Variants in MRPS6 observed in about 807,000 individuals in gnomAD.
MRPS6 encodes mitochondrial ribosomal protein S6.
MRPS6 carries 6 observed loss-of-function variants against 13.1 expected under a neutral mutation model. The observed-to-expected ratio is 0.46, with a 90% CI of 0.25 to 0.91. MRPS6 has a LOEUF of 0.91. Among genes scored for constraint, MRPS6 ranks in the 40% least tolerant of loss-of-function variants. The pLI is 0.18. For synonymous variants in MRPS6, 61 were observed against 56.5 expected (o/e 1.08, Z -0.36); for missense variants, 164 against 155.6 (o/e 1.05, Z -0.29).
chr21:34,088,835 T>TAAAAC (rs1978531982), intron 1 of MRPS6, among the ~76,000 whole-genome samples: 2 of 152,178 alleles, frequency 1.3e-5, no homozygotes, highest in Non-Finnish European at 2.9e-5. Flanking sequence ...CTAGACACAG[T>TAAAAC]ACCTAGATGG....
At chr21:34,109,856 A>G (rs1979628721) in intron 1 of MRPS6, among the ~76,000 whole-genome samples, 1 of 151,914 alleles carries the variant, frequency 6.6e-6, no homozygotes, top group South Asian at 2.1e-4. Context: ...CACATTGTTT[A>G]CCTTGAATAT....
chr21:34,104,887 T>C (rs1358795751), intron 1 of MRPS6: 1 of 1,000,150 alleles, frequency 1.0e-6, no homozygotes, highest in East Asian at 1.1e-4. Flanking sequence ...TTCTGGAGAT[T>C]TCTTTGGCAG....
chr21:34,125,170 TTC>T (rs1231633384), intron 1 of MRPS6, 169 bp from the exon 2 acceptor site: 10 of 1,013,940 alleles, frequency 9.9e-6, no homozygotes, highest in South Asian at 1.9e-5. Context: ...TTACAATAAA[TTC>T]TCTCTCTCTT....
rs149441562 is a variant in MRPS6, at chr21:34,081,151, G to A, written c.45+7406G>A. ...GAAGAAAAATAACTAGGAGGATTGT[G>A]TATGTGGAGTGTTTTACAAGGATCT... On this transcript the variant is annotated intron_variant, in intron 1 of 2. Transcript: ENST00000399312. 1.6e-3 allele frequency among the ~76,000 whole-genome samples: 238 copies of A among 152,236 alleles called. No individual in the cohort carries two copies. In the East Asian group the frequency reaches 0.021, roughly 13 times the overall value.
intron 1 of MRPS6, among the ~76,000 whole-genome samples, chr21:34,093,722 A>G (rs538484386): frequency 3.9e-5 from 6 of 152,354 alleles, no homozygotes; most frequent in East Asian, 1.9e-4. Flanking sequence ...TGCAATTACA[A>G]TTAACTGAAA....
intron 1 of MRPS6, chr21:34,101,049 G>A: frequency 6.0e-6 from 6 of 1,000,136 alleles, no homozygotes; most frequent in Non-Finnish European, 7.2e-6. Flanking sequence ...CCTAGGTTTG[G>A]ATAGAGAGAT....
At chr21:34,077,051 C>T (rs1250967086) in intron 1 of MRPS6, among the ~76,000 whole-genome samples, 1 of 152,200 alleles carries the variant, frequency 6.6e-6, no homozygotes, top group Non-Finnish European at 1.5e-5. Context: ...TATCCACCTC[C>T]ACCCTGCCCC....
chr21:34,103,734 A>G, intron 1 of MRPS6: 1 of 999,946 alleles, frequency 1.0e-6, no homozygotes, highest in Non-Finnish European at 1.2e-6. Flanking sequence ...TGCGGTATCT[A>G]AACTGGTCCT....
intron 2 of MRPS6, among the ~76,000 whole-genome samples, chr21:34,138,679 A>G (rs903225366): frequency 5.6e-4 from 86 of 152,232 alleles, no homozygotes; most frequent in Non-Finnish European, 7.1e-4. Context: ...TTAAAAAGTC[A>G]GGAAACAACA....
chr21:34,142,294 GTGTT>G, intron 2 of MRPS6, 110 bp from the exon 3 acceptor site: 1 of 1,140,270 alleles, frequency 8.8e-7, no homozygotes, highest in Non-Finnish European at 1.2e-6. Flanking sequence ...GTGTATGTGT[GTGTT>G]TGTGTGTAGT....
At chr21:34,110,214 G>T (rs1017582046) in intron 1 of MRPS6, among the ~76,000 whole-genome samples, 2 of 152,200 alleles carry the variant, frequency 1.3e-5, no homozygotes, top group African/African-American at 4.8e-5. Flanking sequence ...TGTAATTCCA[G>T]CACTTTTGGG....
chr21:34,099,817 A>G (rs1979153438), intron 1 of MRPS6: 3 of 655,596 alleles, frequency 4.6e-6, no homozygotes. Context: ...TCTTGCCAGT[A>G]TAAACATCAT....
At chr21:34,083,801 G>A (rs774764953) in intron 1 of MRPS6, among the ~76,000 whole-genome samples, 4 of 152,194 alleles carry the variant, frequency 2.6e-5, no homozygotes, top group Admixed American at 2.6e-4. Context: ...CAAATTTTGT[G>A]TGTGTAAGAA....
At chr21:34,125,941 TCA>T (rs1182787431) in intron 2 of MRPS6, among the ~76,000 whole-genome samples, 1 of 152,208 alleles carries the variant, frequency 6.6e-6, no homozygotes, top group Non-Finnish European at 1.5e-5. Flanking sequence ...CAAGTAATGA[TCA>T]CAGTTTGGAA....
chr21:34,103,501 A>T, intron 1 of MRPS6: 1 of 999,286 alleles, frequency 1.0e-6, no homozygotes, highest in Non-Finnish European at 1.2e-6. Flanking sequence ...TTGTAGGTTG[A>T]TAGGTATATC....
At chr21:34,095,260 T>C (rs1453874892) in intron 1 of MRPS6, 14 of 1,614,042 alleles carry the variant, frequency 8.7e-6, no homozygotes, top group African/African-American at 4.0e-5. Flanking sequence ...ATCCTGGTCA[T>C]GTGCATTGGT....
At chr21:34,106,300 C>A in intron 1 of MRPS6, 1 of 401,196 alleles carries the variant, frequency 2.5e-6, no homozygotes, top group Non-Finnish European at 3.5e-6. Flanking sequence ...AACACTGCCA[C>A]AATGTAGTGT....
intron 1 of MRPS6, chr21:34,104,726 G>T: frequency 2.0e-6 from 2 of 1,000,280 alleles, no homozygotes; most frequent in Non-Finnish European, 2.4e-6. Flanking sequence ...TACCAGAAGT[G>T]CAGGAAAGAG....
chr21:34,095,152 G>A (rs748078623), intron 1 of MRPS6: 1 of 1,498,274 alleles, frequency 6.7e-7, no homozygotes, highest in African/African-American at 1.8e-5. Flanking sequence ...TAAATAAAAA[G>A]TTGGACACTT....
Sources: gnomAD v4.1 joint callset for allele counts (sites outside exome capture counted in the v4.1 genomes callset) on GRCh38, gnomAD v4.1.1 for gene constraint, MANE v1.5 for transcripts, NCBI Gene and HGNC (gene_info 2026-07-23, HGNC 2026-07-21) for gene names.